The following USH2A variants were observed in gnomAD, a reference collection of about 807,000 sequenced individuals.
The protein encoded by USH2A is Usher syndrome 2A (autosomal recessive, mild).
Under a neutral mutation model 538.9 loss-of-function variants are expected in USH2A, and 443 were observed. That is an observed-to-expected ratio of 0.82 (90% CI 0.76 to 0.89). The LOEUF (loss-of-function observed/expected upper bound fraction) is 0.89, where lower values mean the gene tolerates loss of function less well. USH2A is among the 40% of genes least tolerant of loss of function. The pLI is 0.00. For synonymous variants in USH2A, 2,413 were observed against 2,273.5 expected (o/e 1.06, Z -1.75); for missense variants, 6,633 against 6,324.8 (o/e 1.05, Z -1.65).
chr1:216,418,754 C>G, intron 2 of USH2A, 75 bp from the exon 3 acceptor site: 1 of 1,555,112 alleles, frequency 6.4e-7, no homozygotes, highest in African/African-American at 1.4e-5. Context: ...TGTGCAGTTA[C>G]AGTGGTGTTA....
intron 55 of USH2A, among the ~76,000 whole-genome samples, chr1:215,778,842 A>G (rs1325781517): frequency 6.6e-6 from 1 of 152,216 alleles, no homozygotes; most frequent in Non-Finnish European, 1.5e-5. Context: ...TTAACTTCTC[A>G]AAGTATTCTT....
chr1:216,096,891 C>T lies in USH2A; in HGVS notation c.4758+192G>A, dbSNP rs138269135. 4.8e-3 allele frequency among the ~76,000 whole-genome samples: 733 copies of T among 152,220 alleles called. 8 individuals carry two copies. The highest frequency in any genetic ancestry group is 0.017 in the African/African-American group (690 of 41,524). On this transcript the variant is annotated intron_variant, in intron 22 of 71. Transcript: ENST00000307340. ...ACCATGATGGTTTAAAAGTTAGCTC[C>T]GCTATTTTAGCTGAGGGCAAGTCAC...
At chr1:216,291,362 T>G (rs974105202) in intron 10 of USH2A, among the ~76,000 whole-genome samples, 1 of 152,206 alleles carries the variant, frequency 6.6e-6, no homozygotes, top group African/African-American at 2.4e-5. Flanking sequence ...TAACTCCTAC[T>G]GTCCTTGCCC....
chr1:215,945,260 T>C (rs1666730178), intron 37 of USH2A, among the ~76,000 whole-genome samples: 1 of 152,148 alleles, frequency 6.6e-6, no homozygotes, highest in Non-Finnish European at 1.5e-5. Flanking sequence ...TTGAGCTGTT[T>C]TTCTCTTTTA....
At chr1:216,015,444 T>G (rs926368571) in intron 32 of USH2A, among the ~76,000 whole-genome samples, 2 of 152,230 alleles carry the variant, frequency 1.3e-5, no homozygotes, top group Non-Finnish European at 2.9e-5. Context: ...TTATTCAGCC[T>G]GAACATCCTT....
chr1:216,251,770 G>T (rs1485161486), intron 11 of USH2A, among the ~76,000 whole-genome samples: 1 of 152,034 alleles, frequency 6.6e-6, no homozygotes, highest in East Asian at 1.9e-4. Context: ...CTTGTTTACT[G>T]TCTCATTGAT....
At chr1:216,159,537 T>TACACACACACACACACACACACAC (rs60343349) in intron 21 of USH2A, among the ~76,000 whole-genome samples, 1 of 146,830 alleles carries the variant, frequency 6.8e-6, no homozygotes, top group African/African-American at 2.5e-5. Context: ...TTTATTTATG[T>TACACACACACACACACACACACAC]ACACACACAC....
Position 215,965,165 on chromosome 1 carries a change from G to A in USH2A, c.7120+152C>T, listed in dbSNP as rs946504974. 2.8e-5 allele frequency: 23 copies of A among 815,210 alleles called. No individual in the cohort carries two copies. The African/African-American group carries it at 3.1e-4, about 11-fold the overall frequency. The allele number at this position is 815,210 out of a possible 1,614,324, so 50.5% of individuals were successfully genotyped here. A position where few individuals can be genotyped will look rare whatever the true frequency, so the allele number is the denominator to read the frequency against. ...TGGGAACCACATTCTGAGAACCGTC[G>A]GGCAGTAGCTTATCCGTATAGGTTA... On this transcript the variant is annotated intron_variant, in intron 37 of 71. Transcript: ENST00000307340.
intron 11 of USH2A, among the ~76,000 whole-genome samples, chr1:216,288,434 A>AAT (rs2036931687): frequency 6.6e-6 from 1 of 152,126 alleles, no homozygotes; most frequent in African/African-American, 2.4e-5. Flanking sequence ...TTGGGAAAGC[A>AAT]ATTTTTAATG....
Position 215,624,800 on chromosome 1 carries a change from A to G in USH2A, c.*981T>C, listed in dbSNP as rs1253697007. On this transcript the variant is annotated 3_prime_UTR_variant, in exon 72 of 72. Transcript: ENST00000307340. Reference sequence around the variant, plus strand: ...GATATACATATATATACACATAGGTATAGTCTTGTCTCTACATGTATATAT... The same window carrying G: ...GATATACATATATATACACATAGGTGTAGTCTTGTCTCTACATGTATATAT... 2 of 152,158 alleles carry G rather than the reference A, an allele frequency of 1.3e-5. No individual in the cohort carries two copies. Among genetic ancestry groups the G allele is most frequent in the Non-Finnish European group, 2.9e-5 (2 of 68,002 alleles). 9.4% of individuals were successfully genotyped at this position (152,158 alleles called of 1,614,324 possible).
chr1:215,701,691 C>T (rs1181387813), intron 61 of USH2A, among the ~76,000 whole-genome samples: 2 of 152,122 alleles, frequency 1.3e-5, no homozygotes, highest in African/African-American at 2.4e-5. Flanking sequence ...TCCATCCCTT[C>T]GTTTTGAGCC....
chr1:215,898,182 C>T (rs567143580), intron 40 of USH2A, among the ~76,000 whole-genome samples: 4 of 152,126 alleles, frequency 2.6e-5, no homozygotes, highest in Admixed American at 6.5e-5. Flanking sequence ...TTTTGGGGAA[C>T]GGATTTAAAC....
Position 216,308,507 on chromosome 1 carries a change from T to C in USH2A, c.1644+13376A>G, listed in dbSNP as rs368578297. 9.2e-5 allele frequency among the ~76,000 whole-genome samples: 14 copies of C among 152,348 alleles called. 1 individual carries two copies. The highest frequency in any genetic ancestry group is 3.9e-4 in the Admixed American group (6 of 15,304). On this transcript the variant is annotated intron_variant, in intron 9 of 71. Transcript: ENST00000307340. ...CTTCTGGCTTCTTCTGTGAATTACTTGTTCACTTCTTTTGTCTGTTTTTCA... is the reference window on the plus strand; with the variant it reads ...CTTCTGGCTTCTTCTGTGAATTACTCGTTCACTTCTTTTGTCTGTTTTTCA...
At chr1:215,905,672 C>CT (rs1266309588) in intron 38 of USH2A, among the ~76,000 whole-genome samples, 1 of 152,032 alleles carries the variant, frequency 6.6e-6, no homozygotes, top group Non-Finnish European at 1.5e-5. Context: ...CCTGGGGGTA[C>CT]TATCAGTTGT....
chr1:216,236,970 A>G (rs1420683745), intron 13 of USH2A, among the ~76,000 whole-genome samples: 1 of 152,174 alleles, frequency 6.6e-6, no homozygotes, highest in Non-Finnish European at 1.5e-5. Context: ...TAACCCAAAT[A>G]ATGACAACTC....
At chr1:215,788,568 A>G (rs1468778415) in intron 51 of USH2A, among the ~76,000 whole-genome samples, 1 of 152,220 alleles carries the variant, frequency 6.6e-6, no homozygotes, top group Non-Finnish European at 1.5e-5. Flanking sequence ...AATGGAAAAC[A>G]AAATGCAAAA....
At chr1:215,765,633 G>A (rs1661106018) in intron 56 of USH2A, among the ~76,000 whole-genome samples, 1 of 152,078 alleles carries the variant, frequency 6.6e-6, no homozygotes, top group Non-Finnish European at 1.5e-5. Context: ...GAAAGTAAAT[G>A]ACACCAGCCA....
chr1:215,709,814 T>C (rs1054754842), intron 61 of USH2A, among the ~76,000 whole-genome samples: 3 of 152,224 alleles, frequency 2.0e-5, no homozygotes, highest in African/African-American at 7.2e-5. Context: ...AAAATCATAC[T>C]AAACCTGTAT....
intron 58 of USH2A, among the ~76,000 whole-genome samples, chr1:215,756,955 TA>T (rs926040424): frequency 1.3e-5 from 2 of 151,684 alleles, no homozygotes; most frequent in Non-Finnish European, 2.9e-5. Flanking sequence ...AATAAATAAA[TA>T]AATAAATAAA....
Sources: gnomAD v4.1 joint callset for allele counts (sites outside exome capture counted in the v4.1 genomes callset) on GRCh38, gnomAD v4.1.1 for gene constraint, MANE v1.5 for transcripts, NCBI Gene and HGNC (gene_info 2026-07-23, HGNC 2026-07-21) for gene names.